Variants in SGSM3 observed in about 807,000 individuals in gnomAD.
The protein encoded by SGSM3 is small G protein signaling modulator 3, also known as RUN and SH3 containing 3.
SGSM3 carries 96 observed loss-of-function variants against 100.5 expected under a neutral mutation model. That is an observed-to-expected ratio of 0.96 (90% CI 0.81 to 1.13). The LOEUF (loss-of-function observed/expected upper bound fraction) is 1.13. Ranked by LOEUF, SGSM3 falls within the 50% of genes most tolerant of loss-of-function variation. SGSM3 has a pLI of 0.00. For synonymous variants in SGSM3, 483 were observed against 422.8 expected (o/e 1.14, Z -1.75); for missense variants, 1,001 against 1,015.8 (o/e 0.99, Z 0.20).
Position 40,410,071 on chromosome 22 carries a change from C to CTTTGG in SGSM3, c.*316_*320dup, listed in dbSNP as rs757854154. On this transcript the variant is annotated 3_prime_UTR_variant, in exon 22 of 22. Coordinates refer to ENST00000248929, the MANE Select transcript of SGSM3 (RefSeq NM_015705.6). Reference sequence around the variant, plus strand: ...GGGGTGGCTAGTAGGCTCCTGGCCTCTTTGGTTTATAAATAAACTGTGTCT... The same window carrying CTTTGG: ...GGGGTGGCTAGTAGGCTCCTGGCCTCTTTGGTTTGGTTTATAAATAAACTGTGTCT... 2.9e-4 allele frequency: 366 copies of CTTTGG among 1,250,924 alleles called. No individual in the cohort carries two copies. Among genetic ancestry groups the CTTTGG allele is most frequent in the Non-Finnish European group, 3.4e-4 (341 of 996,892 alleles). 77.5% of individuals were successfully genotyped at this position (1,250,924 alleles called of 1,614,324 possible).
At chr22:40,370,787 G>A (rs902370029) in intron 1 of SGSM3, 99 bp downstream of exon 1, 8 of 152,272 alleles carry the variant, frequency 5.3e-5, no homozygotes, top group Non-Finnish European at 1.2e-4. Flanking sequence ...TCCGACCGAG[G>A]GTCGTATGGG....
intron 1 of SGSM3, among the ~76,000 whole-genome samples, chr22:40,393,859 T>G (rs2049698047): frequency 6.6e-6 from 1 of 152,174 alleles, no homozygotes; most frequent in African/African-American, 2.4e-5. Context: ...GGCCTCATCA[T>G]CTCTTAAAGG....
intron 10 of SGSM3, 60 bp from the exon 11 acceptor site, chr22:40,406,957 G>A: frequency 6.7e-7 from 1 of 1,497,508 alleles, no homozygotes; most frequent in Non-Finnish European, 9.1e-7. Context: ...TAAGCCAAGG[G>A]CTGGTGGGTT....
intron 1 of SGSM3, among the ~76,000 whole-genome samples, chr22:40,386,562 C>CCTTT (rs2048481244): frequency 1.5e-5 from 1 of 68,368 alleles, no homozygotes; most frequent in Non-Finnish European, 2.7e-5. Context: ...AATTTTCTTA[C>CCTTT]TTTTTTTTTT....
At chr22:40,406,013 T>TGCAGTTCCGGGGAGGGAGGTTTCCA (rs2051444058) in intron 8 of SGSM3, 65 bp from the exon 9 acceptor site, 8 of 1,581,962 alleles carry the variant, frequency 5.1e-6, no homozygotes, top group Non-Finnish European at 6.9e-6. Context: ...AGGACCTTGC[T>TGCAGTTCCGGGGAGGGAGGTTTCCA]GCAGTTCCGG....
chr22:40,374,477 A>G (rs992391090), intron 1 of SGSM3, among the ~76,000 whole-genome samples: 3 of 152,290 alleles, frequency 2.0e-5, no homozygotes, highest in Admixed American at 6.5e-5. Context: ...CTGAGCTACA[A>G]TTTCTTCTTT....
intron 1 of SGSM3, chr22:40,387,301 T>G: frequency 2.5e-6 from 1 of 398,334 alleles, no homozygotes; most frequent in Non-Finnish European, 4.4e-6. Context: ...TAGTGTAGTA[T>G]AATTACCATT....
At chr22:40,373,060 A>G (rs1488082233) in intron 1 of SGSM3, 1 of 152,198 alleles carries the variant, frequency 6.6e-6, no homozygotes, top group Non-Finnish European at 1.5e-5. Context: ...ACTGGAGCAC[A>G]AGATATGTGG....
chr22:40,379,871 A>G (rs2047275133), intron 1 of SGSM3, among the ~76,000 whole-genome samples: 1 of 152,008 alleles, frequency 6.6e-6, no homozygotes, highest in Admixed American at 6.6e-5. Flanking sequence ...CACCACGCCC[A>G]GCTAATTTTT....
chr22:40,410,053 C>CTAGT lies in SGSM3; in HGVS notation c.*295_*298dup, dbSNP rs146256482. On this transcript the variant is annotated 3_prime_UTR_variant, in exon 22 of 22. Coordinates refer to ENST00000248929, the MANE Select transcript of SGSM3 (RefSeq NM_015705.6). Reference sequence around the variant, plus strand: ...GGAAGAGGGAAGGGGATGGGGGTGGCTAGTAGGCTCCTGGCCTCTTTGGTT... The same window carrying CTAGT: ...GGAAGAGGGAAGGGGATGGGGGTGGCTAGTTAGTAGGCTCCTGGCCTCTTTGGTT... 35,561 of 1,296,416 alleles carry CTAGT rather than the reference C, an allele frequency of 0.027. 636 individuals carry two copies. Among genetic ancestry groups the CTAGT allele is most frequent in the South Asian group, 0.04 (1,696 of 42,866 alleles). 80.3% of individuals were successfully genotyped at this position (1,296,416 alleles called of 1,614,324 possible).
At chr22:40,405,315 GCCCCAGGACCCC>G (rs1484732002) in intron 7 of SGSM3, 31 bp downstream of exon 7, 1 of 1,447,366 alleles carries the variant, frequency 6.9e-7, no homozygotes, top group African/African-American at 1.5e-5. Context: ...GGCAGTGGCA[GCCCCAGGACCCC>G]CTCCAGGACC....
intron 1 of SGSM3, among the ~76,000 whole-genome samples, chr22:40,375,222 T>A (rs2046353067): frequency 6.6e-6 from 1 of 152,200 alleles, no homozygotes; most frequent in Admixed American, 6.5e-5. Context: ...GTAAATTGTT[T>A]TGGGAGGTTA....
chr22:40,406,461 G>C lies in SGSM3; in HGVS notation c.984G>C (p.Glu328Asp), dbSNP rs1215584166. 1.9e-6 allele frequency: 3 copies of C among 1,593,716 alleles called. No homozygotes were observed. The highest frequency in any genetic ancestry group is 1.1e-5 in the South Asian group (1 of 88,624). Residue 328 changes from glutamate (E) to aspartate (D), a missense_variant, in exon 10 of 22, where the codon GAG becomes GAC. Transcript: ENST00000248929. ...HLKEEELIQS[E>D]NSASIFNTLS... ...AGGAGGAAGAGCTGATCCAGTCAGA[G>C]AACTCGGCCTCCATCTTCAACACGC...
In SGSM3 at chr22:40,408,999, C is replaced by T. The variant is rs763689302; in HGVS notation, c.1969C>T (p.Leu657=). 82 of 1,574,400 alleles carry T rather than the reference C, an allele frequency of 5.2e-5. No individual in the cohort carries two copies. The highest frequency in any genetic ancestry group is 7.1e-5 in the Non-Finnish European group (82 of 1,159,734). The change falls in exon 19 of 22, where the codon CTG becomes TTG. Residue 657 remains leucine (L), a synonymous_variant. Transcript: ENST00000248929. Reference sequence around the variant, plus strand: ...ACAAATGGATGTGAAGCTCCGCTCACTGATCTGCGTGGGGCTCAAGTGAGT... The same window carrying T: ...ACAAATGGATGTGAAGCTCCGCTCATTGATCTGCGTGGGGCTCAAGTGAGT... ...HAQMDVKLRS[L]ICVGLNEQVL...
At chr22:40,405,581 G>GT in intron 7 of SGSM3, 68 bp from the exon 8 acceptor site, 1 of 1,451,524 alleles carries the variant, frequency 6.9e-7, no homozygotes, top group African/African-American at 1.4e-5. Context: ...TCTCCCTAGG[G>GT]TAGGGGCACC....
At chr22:40,409,621 G>T (rs139198018) in intron 21 of SGSM3, 61 bp from the exon 22 acceptor site, 1 of 1,613,126 alleles carries the variant, frequency 6.2e-7, no homozygotes, top group Non-Finnish European at 8.5e-7. Context: ...TGGTGTCAGC[G>T]GTTAGGAACT....
intron 2 of SGSM3, among the ~76,000 whole-genome samples, chr22:40,401,276 A>AGAG (rs2050725032): frequency 6.6e-6 from 1 of 151,542 alleles, no homozygotes; most frequent in African/African-American, 2.4e-5. Context: ...TTTTTGAGGC[A>AGAG]GAGTTTCGCT....
chr22:40,383,546 T>TC (rs2146823603), intron 1 of SGSM3, among the ~76,000 whole-genome samples: 1 of 152,002 alleles, frequency 6.6e-6, no homozygotes, highest in South Asian at 2.1e-4. Flanking sequence ...AAGTGGTGTT[T>TC]CAGAGCTAAG....
chr22:40,374,253 A>G (rs1206083542), intron 1 of SGSM3, among the ~76,000 whole-genome samples: 2 of 152,104 alleles, frequency 1.3e-5, no homozygotes, highest in African/African-American at 2.4e-5. Flanking sequence ...TGCCCAGCCA[A>G]TAGGGCGGTT....
Sources: allele counts gnomAD v4.1 joint callset (sites outside exome capture counted in the v4.1 genomes callset), GRCh38; gene constraint gnomAD v4.1.1; transcripts MANE v1.5; gene names NCBI Gene and HGNC (gene_info 2026-07-23, HGNC 2026-07-21).